The following TEX29 variants were observed in gnomAD, a reference collection of about 807,000 sequenced individuals.
The protein encoded by TEX29 is testis expressed 29.
Under a neutral mutation model 18.2 loss-of-function variants are expected in TEX29, and 26 were observed. That is an observed-to-expected ratio of 1.43 (90% CI 1.04 to 1.98). TEX29 has a LOEUF of 1.98. Ranked by LOEUF, TEX29 falls within the 30% of genes most tolerant of loss-of-function variation. TEX29 has a pLI of 0.00. For synonymous variants in TEX29, 83 were observed against 78.5 expected (o/e 1.06, Z -0.31); for missense variants, 177 against 194.2 (o/e 0.91, Z 0.53).
intron 3 of TEX29, among the ~76,000 whole-genome samples, chr13:111,331,601 C>G (rs2093682870): frequency 6.6e-6 from 1 of 151,920 alleles, no homozygotes; most frequent in African/African-American, 2.4e-5. Flanking sequence ...GTTGCTTGTG[C>G]TTTGGTGTCA....
At position 111,331,171 on chromosome 13, in the gene TEX29, G is replaced by A. The variant is rs117755148; in HGVS notation, c.169+2878G>A. Among the ~76,000 whole-genome samples the A allele has an allele frequency of 3.3e-4, 51 of 152,304 alleles. 1 individual carries two copies. In the East Asian group the frequency reaches 7.7e-3, roughly 23 times the overall value. On this transcript the variant is annotated intron_variant, in intron 3 of 5. Transcript: ENST00000283547. ...ATCATTTTCCAGTCCAATCAGCAGCGTATGCGAGTTCCAATTTCTCCACAT... is the reference window on the plus strand; with the variant it reads ...ATCATTTTCCAGTCCAATCAGCAGCATATGCGAGTTCCAATTTCTCCACAT...
chr13:111,344,067 T>G lies in TEX29; in HGVS notation c.416-16T>G. ...ATTCCATTTGAAAAAACAATTCTTC[T>G]TTTCTAAAAATCTAGTAACAGGGAC... On this transcript the variant is annotated splice_polypyrimidine_tract_variant and intron_variant, in intron 5 of 5. Transcript: ENST00000283547. 2 of 1,607,508 alleles carry G rather than the reference T, an allele frequency of 1.2e-6. No homozygotes were observed. The highest frequency in any genetic ancestry group is 1.7e-6 in the Non-Finnish European group (2 of 1,174,910).
chr13:111,331,929 G>T (rs1040762270), intron 3 of TEX29, among the ~76,000 whole-genome samples: 2 of 152,234 alleles, frequency 1.3e-5, no homozygotes, highest in Non-Finnish European at 2.9e-5. Context: ...TCCTTAGCCG[G>T]TGCCACAGTT....
In TEX29 at chr13:111,320,769, C is replaced by T. The variant is rs563547886; in HGVS notation, c.-35+7C>T. On this transcript the variant is annotated splice_region_variant and intron_variant, in intron 1 of 5. Coordinates refer to ENST00000283547, the MANE Select transcript of TEX29 (RefSeq NM_152324.3). Reference sequence around the variant, plus strand: ...CCTGGGATGTGAGGCGCAGGTGAGTCGATGAACGCCCCCTCCTGGTGTGAG... The same window carrying T: ...CCTGGGATGTGAGGCGCAGGTGAGTTGATGAACGCCCCCTCCTGGTGTGAG... The T allele has an allele frequency of 9.6e-4, 1,158 of 1,200,542 alleles. 13 individuals carry two copies. The highest frequency in any genetic ancestry group is 5.3e-3 in the South Asian group (434 of 81,238). The allele number at this position is 1,200,542 out of a possible 1,614,324, so 74.4% of individuals were successfully genotyped here.
In TEX29 at chr13:111,337,624, C is replaced by T. The variant is rs1023941590; in HGVS notation, c.170-2239C>T. 7.2e-5 allele frequency among the ~76,000 whole-genome samples: 11 copies of T among 151,904 alleles called. No individual in the cohort carries two copies. The East Asian group carries it at 9.7e-4, about 13-fold the overall frequency. Reference sequence around the variant, plus strand: ...GGTGTAAATACCAGGAGGTGAGAATCGGGAGGCCATCCTGGAAGCTGGTTA... The same window carrying T: ...GGTGTAAATACCAGGAGGTGAGAATTGGGAGGCCATCCTGGAAGCTGGTTA... On this transcript the variant is annotated intron_variant, in intron 3 of 5. Coordinates refer to ENST00000283547, the MANE Select transcript of TEX29 (RefSeq NM_152324.3).
chr13:111,337,218 T>C (rs552907374), intron 3 of TEX29, among the ~76,000 whole-genome samples: 82 of 152,308 alleles, frequency 5.4e-4, no homozygotes, highest in Middle Eastern at 6.8e-3. Flanking sequence ...GTGTGACAAA[T>C]TACCCCAAAA....
intron 2 of TEX29, among the ~76,000 whole-genome samples, chr13:111,324,295 G>A (rs1035059189): frequency 3.3e-5 from 5 of 152,208 alleles, no homozygotes; most frequent in Admixed American, 6.5e-5. Flanking sequence ...CTAGTGGGCC[G>A]CCGGGCAGTG....
At position 111,327,055 on chromosome 13, in the gene TEX29, C is replaced by T. The variant is rs951334916; in HGVS notation, c.59-1128C>T. On this transcript the variant is annotated intron_variant, in intron 2 of 5. Coordinates refer to ENST00000283547, the MANE Select transcript of TEX29 (RefSeq NM_152324.3). The stretch of plus-strand genomic sequence containing the variant: ...CTGCCTGCTGCTATGGGGCCTCTTC[C>T]GGCCTCCCCCGACCTCTCCCTACAT... Among the ~76,000 whole-genome samples, 5 of 152,140 alleles carry T rather than the reference C, an allele frequency of 3.3e-5. No homozygotes were observed. In the East Asian group the frequency reaches 7.7e-4, roughly 23 times the overall value.
At chr13:111,339,031 GTC>G (rs1333711096) in intron 3 of TEX29, among the ~76,000 whole-genome samples, 1 of 152,204 alleles carries the variant, frequency 6.6e-6, no homozygotes, top group Non-Finnish European at 1.5e-5. Context: ...GCAGTGGGCA[GTC>G]TCTCAGAAAG....
At chr13:111,322,498 TCTGTGAGGGG>T (rs1002279914) in intron 2 of TEX29, among the ~76,000 whole-genome samples, 2 of 152,140 alleles carry the variant, frequency 1.3e-5, no homozygotes, top group African/African-American at 4.8e-5. Flanking sequence ...GGCCACCCCG[TCTGTGAGGGG>T]CTGTCAGGGG....
At chr13:111,332,447 A>AT (rs1000348881) in intron 3 of TEX29, among the ~76,000 whole-genome samples, 5 of 151,724 alleles carry the variant, frequency 3.3e-5, no homozygotes, top group Admixed American at 6.6e-5. Flanking sequence ...ATTCCTTAGG[A>AT]TTTTTTGCAT....
At chr13:111,330,876 G>C (rs1047938336) in intron 3 of TEX29, among the ~76,000 whole-genome samples, 1 of 152,170 alleles carries the variant, frequency 6.6e-6, no homozygotes, top group East Asian at 1.9e-4. Context: ...GTAGCTATCA[G>C]TACTTCCTTT....
chr13:111,321,677 C>G (rs375492145), intron 2 of TEX29, among the ~76,000 whole-genome samples: 1 of 152,002 alleles, frequency 6.6e-6, no homozygotes, highest in Non-Finnish European at 1.5e-5. Context: ...AATCCCAGCA[C>G]TTTGAGAAGC....
upstream of TEX29, among the ~76,000 whole-genome samples, chr13:111,320,479 C>T (rs1282048730): frequency 6.6e-6 from 1 of 152,242 alleles, no homozygotes; most frequent in African/African-American, 2.4e-5. Flanking sequence ...GGAACTCCCT[C>T]CCTACATCTG....
At chr13:111,320,988 G>GGGGGGGT in intron 2 of TEX29, 40 bp downstream of exon 2, 1 of 431,436 alleles carries the variant, frequency 2.3e-6, no homozygotes. Context: ...TGGGGTGGGG[G>GGGGGGGT]AGCAGTTGGG....
chr13:111,316,491 C>G (rs2093654895), upstream of TEX29, among the ~76,000 whole-genome samples: 1 of 152,236 alleles, frequency 6.6e-6, no homozygotes, highest in African/African-American at 2.4e-5. Context: ...CCTGGCACTT[C>G]TGAGTTAGAA....
chr13:111,319,272 T>C (rs931960085), upstream of TEX29, among the ~76,000 whole-genome samples: 4 of 152,096 alleles, frequency 2.6e-5, no homozygotes, highest in Non-Finnish European at 5.9e-5. Context: ...TTACATTGAG[T>C]GTTCCCAACA....
At chr13:111,324,131 C>T (rs1308285282) in intron 2 of TEX29, among the ~76,000 whole-genome samples, 3 of 152,156 alleles carry the variant, frequency 2.0e-5, no homozygotes, top group Non-Finnish European at 2.9e-5. Flanking sequence ...CAATCGTGAC[C>T]GCAGGCACGT....
intron 5 of TEX29, 122 bp from the exon 6 acceptor site, chr13:111,343,961 C>A: frequency 2.4e-6 from 2 of 820,552 alleles, no homozygotes; most frequent in Non-Finnish European, 4.1e-6. Context: ...CCAAAACTGG[C>A]TTTTGAATCA....
Sources: gnomAD v4.1 joint callset for allele counts (sites outside exome capture counted in the v4.1 genomes callset) on GRCh38, gnomAD v4.1.1 for gene constraint, MANE v1.5 for transcripts, NCBI Gene and HGNC (gene_info 2026-07-23, HGNC 2026-07-21) for gene names.